The following COL19A1 variants were observed in gnomAD, a reference collection of about 807,000 sequenced individuals.
COL19A1 encodes collagen type XIX alpha 1 chain.
A neutral mutation model predicts 190.2 loss-of-function variants in COL19A1; 159 were observed. The observed-to-expected ratio is 0.84, with a 90% CI of 0.73 to 0.95. The LOEUF (loss-of-function observed/expected upper bound fraction) is 0.95. Among genes scored for constraint, COL19A1 ranks in the 40% least tolerant of loss-of-function variants. COL19A1 has a pLI of 0.00. For synonymous variants in COL19A1, 509 were observed against 458.9 expected (o/e 1.11, Z -1.39); for missense variants, 1,418 against 1,431.9 (o/e 0.99, Z 0.16).
chr6:70,122,498 T>C (rs1448104361), intron 17 of COL19A1, among the ~76,000 whole-genome samples: 2 of 152,172 alleles, frequency 1.3e-5, no homozygotes, highest in Non-Finnish European at 2.9e-5. Context: ...TGTTCCAGAT[T>C]CTACAAGGAG....
At chr6:70,056,976 T>C (rs892486918) in intron 14 of COL19A1, among the ~76,000 whole-genome samples, 3 of 152,168 alleles carry the variant, frequency 2.0e-5, no homozygotes, top group Admixed American at 1.3e-4. Context: ...TAGATTAAGT[T>C]TCCCATGGTC....
chr6:70,107,458 A>G (rs1784044177), intron 16 of COL19A1, among the ~76,000 whole-genome samples: 1 of 152,198 alleles, frequency 6.6e-6, no homozygotes, highest in African/African-American at 2.4e-5. Flanking sequence ...TTTTTCCCAC[A>G]GTGGCTACAA....
chr6:70,048,540 A>G (rs2150129908), intron 14 of COL19A1, among the ~76,000 whole-genome samples: 1 of 152,222 alleles, frequency 6.6e-6, no homozygotes, highest in South Asian at 2.1e-4. Flanking sequence ...GTTAAAGTTG[A>G]TCATTTTTAA....
At chr6:70,064,412 C>A (rs1329858654) in intron 14 of COL19A1, among the ~76,000 whole-genome samples, 1 of 152,114 alleles carries the variant, frequency 6.6e-6, no homozygotes, top group Non-Finnish European at 1.5e-5. Flanking sequence ...ATTCAACAGC[C>A]CTTCATGCTA....
At chr6:70,183,581 C>T (rs969980831) in intron 44 of COL19A1, among the ~76,000 whole-genome samples, 1 of 152,168 alleles carries the variant, frequency 6.6e-6, no homozygotes, top group Non-Finnish European at 1.5e-5. Context: ...CAGCTTTATC[C>T]TTGTTCCTTG....
intron 16 of COL19A1, among the ~76,000 whole-genome samples, chr6:70,115,425 A>G (rs1456312887): frequency 6.6e-6 from 1 of 152,244 alleles, no homozygotes; most frequent in African/African-American, 2.4e-5. Context: ...CCACCCAAGA[A>G]AATATAAGTG....
chr6:70,107,919 C>T (rs902232114), intron 16 of COL19A1, among the ~76,000 whole-genome samples: 1 of 152,104 alleles, frequency 6.6e-6, no homozygotes, highest in Non-Finnish European at 1.5e-5. Flanking sequence ...CCTCACACTC[C>T]AATAAAAGCT....
intron 4 of COL19A1, among the ~76,000 whole-genome samples, chr6:69,917,949 T>G (rs1269279005): frequency 6.6e-6 from 1 of 152,140 alleles, no homozygotes; most frequent in Non-Finnish European, 1.5e-5. Flanking sequence ...AATCTTGATG[T>G]AAATGAAGAC....
At chr6:70,092,623 A>T (rs1173935102) in intron 15 of COL19A1, among the ~76,000 whole-genome samples, 1 of 152,122 alleles carries the variant, frequency 6.6e-6, no homozygotes, top group Non-Finnish European at 1.5e-5. Context: ...AAATTGGGTG[A>T]CCTTTATAGT....
At chr6:70,082,836 T>C (rs1782346966) in intron 15 of COL19A1, among the ~76,000 whole-genome samples, 1 of 152,234 alleles carries the variant, frequency 6.6e-6, no homozygotes, top group South Asian at 2.1e-4. Flanking sequence ...AGGGTGAAAC[T>C]GTTCCACCTC....
At position 70,106,329 on chromosome 6, in the gene COL19A1, C is replaced by CGTGT. The variant is rs55854953; in HGVS notation, c.1278+4136_1278+4139dup. Among the ~76,000 whole-genome samples, 1,420 of 149,420 alleles carry CGTGT rather than the reference C, an allele frequency of 9.5e-3. 22 individuals are homozygous for CGTGT. Among genetic ancestry groups the CGTGT allele is most frequent in the African/African-American group, 0.03 (1,202 of 40,694 alleles). ...TTTCTGACAAATAGCTAAGTGTGTG[C>CGTGT]GTGTGTGTGTGTGTGTGTGTGTGTG... On this transcript the variant is annotated intron_variant, in intron 16 of 50. Coordinates refer to ENST00000620364, the MANE Select transcript of COL19A1 (RefSeq NM_001858.6).
chr6:70,079,603 G>A (rs185354321), intron 15 of COL19A1, among the ~76,000 whole-genome samples: 114 of 152,272 alleles, frequency 7.5e-4, no homozygotes, highest in African/African-American at 2.6e-3. Context: ...AGGAGACTGC[G>A]AACTGATAGG....
At chr6:69,908,738 C>G (rs1412616846) in intron 4 of COL19A1, among the ~76,000 whole-genome samples, 1 of 152,050 alleles carries the variant, frequency 6.6e-6, no homozygotes, top group South Asian at 2.1e-4. Context: ...TGATTTTGCT[C>G]TTTCAGATTT....
intron 4 of COL19A1, among the ~76,000 whole-genome samples, chr6:69,912,815 C>T (rs991705073): frequency 5.9e-5 from 9 of 152,148 alleles, no homozygotes; most frequent in East Asian, 3.8e-4. Context: ...AGGCCAGGCA[C>T]GGTGGCTCAC....
chr6:70,023,629 T>C lies in COL19A1; in HGVS notation c.1029T>C (p.Gly343=). 6.2e-7 allele frequency: 1 copy of C among 1,607,630 alleles called. No homozygotes were observed. Among genetic ancestry groups the C allele is most frequent in the African/African-American group, 1.3e-5 (1 of 74,250 alleles). The change falls in exon 12 of 51, where the codon GGT becomes GGC. Residue 343 remains glycine, a splice_region_variant and synonymous_variant. Transcript: ENST00000620364. ...EGSKGETGEK[G]EQGEKGDPAL... is the part of the protein sequence containing the mutation. Reference sequence around the variant, plus strand: ...TTGTATAAATTGTTTCTTTTTAGGGTGAACAAGGAGAAAAAGGAGATCCAG... The same window carrying C: ...TTGTATAAATTGTTTCTTTTTAGGGCGAACAAGGAGAAAAAGGAGATCCAG...
intron 11 of COL19A1, among the ~76,000 whole-genome samples, chr6:69,987,118 A>G (rs900809651): frequency 1.3e-5 from 2 of 152,230 alleles, no homozygotes; most frequent in African/African-American, 4.8e-5. Context: ...CAAAATCAAG[A>G]GGCATCATCC....
chr6:69,969,381 G>A (rs1166803273), intron 11 of COL19A1, among the ~76,000 whole-genome samples: 4 of 152,040 alleles, frequency 2.6e-5, no homozygotes, highest in Non-Finnish European at 5.9e-5. Context: ...ATATGGTTTA[G>A]AAATTTACAC....
At chr6:70,025,252 G>A (rs565034445) in intron 12 of COL19A1, among the ~76,000 whole-genome samples, 8 of 152,154 alleles carry the variant, frequency 5.3e-5, no homozygotes, top group African/African-American at 1.4e-4. Flanking sequence ...GGATGGTCTC[G>A]ATCTCCTGAC....
chr6:69,891,241 G>T (rs1769331616), intron 2 of COL19A1: 1 of 153,580 alleles, frequency 6.5e-6, no homozygotes, highest in South Asian at 2.0e-4. Context: ...TTGCTAGTAT[G>T]TTGGGCTTCT....
Sources: allele counts gnomAD v4.1 joint callset (sites outside exome capture counted in the v4.1 genomes callset), GRCh38; gene constraint gnomAD v4.1.1; transcripts MANE v1.5; gene names NCBI Gene and HGNC (gene_info 2026-07-23, HGNC 2026-07-21).